The following CDKAL1 variants were observed in gnomAD, a reference collection of about 807,000 sequenced individuals.
The protein encoded by CDKAL1 is threonylcarbamoyladenosine tRNA methylthiotransferase.
In CDKAL1, 32 loss-of-function variants were observed where a neutral mutation model predicts 68.2. The observed-to-expected ratio is 0.47, with a 90% CI of 0.35 to 0.63. CDKAL1 has a LOEUF of 0.63. CDKAL1 is among the 30% of genes least tolerant of loss of function. The pLI is 0.00. For synonymous variants in CDKAL1, 234 were observed against 244.3 expected (o/e 0.96, Z 0.39); for missense variants, 606 against 696.7 (o/e 0.87, Z 1.47).
In CDKAL1 at chr6:20,775,459, G is replaced by A. The variant is rs893200411; in HGVS notation, c.518-5686G>A. 1.2e-4 allele frequency among the ~76,000 whole-genome samples: 18 copies of A among 152,294 alleles called. No individual in the cohort carries two copies. In the South Asian group the frequency reaches 1.7e-3, roughly 14 times the overall value. On this transcript the variant is annotated intron_variant, in intron 7 of 15. Coordinates refer to ENST00000274695, the MANE Select transcript of CDKAL1 (RefSeq NM_017774.3). Reference sequence around the variant, plus strand: ...TAGGCCTCAGTGGCTAACGAGAAAGGATCAAATAAAGAAGGAATGTGTGAA... The same window carrying A: ...TAGGCCTCAGTGGCTAACGAGAAAGAATCAAATAAAGAAGGAATGTGTGAA...
In CDKAL1 at chr6:21,155,289, C is replaced by T. The variant is rs114834265; in HGVS notation, c.1300-42732C>T. 6.4e-3 allele frequency among the ~76,000 whole-genome samples: 974 copies of T among 151,914 alleles called. 9 individuals are homozygous for T. Among genetic ancestry groups the T allele is most frequent in the African/African-American group, 0.022 (918 of 41,390 alleles). ...CCCGAATTATATTATGTGTCATCAGCGTGTGTGAGGATGGGGAGGACAGCT... is the reference window on the plus strand; with the variant it reads ...CCCGAATTATATTATGTGTCATCAGTGTGTGTGAGGATGGGGAGGACAGCT... On this transcript the variant is annotated intron_variant, in intron 13 of 15. Coordinates refer to ENST00000274695, the MANE Select transcript of CDKAL1 (RefSeq NM_017774.3).
chr6:21,182,780 A>T (rs987732752), intron 13 of CDKAL1, among the ~76,000 whole-genome samples: 7 of 152,224 alleles, frequency 4.6e-5, no homozygotes, highest in Non-Finnish European at 1.0e-4. Context: ...ATCACTTTTA[A>T]TGAATCTTTC....
chr6:20,784,412 C>CTTTCTT (rs1775572357), intron 8 of CDKAL1, among the ~76,000 whole-genome samples: 3 of 33,492 alleles, frequency 9.0e-5, no homozygotes, highest in African/African-American at 3.5e-4. Context: ...TATTTTATTT[C>CTTTCTT]TTTTTTTTTT....
chr6:20,545,074 G>A (rs1763544910), intron 2 of CDKAL1, among the ~76,000 whole-genome samples: 1 of 151,838 alleles, frequency 6.6e-6, no homozygotes, highest in Non-Finnish European at 1.5e-5. Flanking sequence ...GTTCTTTAAC[G>A]AGAAAGCAGG....
At chr6:20,867,095 A>G (rs1162761188) in intron 9 of CDKAL1, among the ~76,000 whole-genome samples, 2 of 152,154 alleles carry the variant, frequency 1.3e-5, no homozygotes, top group East Asian at 1.9e-4. Context: ...TGAGGCTTCA[A>G]TTTGTGTTTG....
intron 13 of CDKAL1, chr6:21,135,625 T>C: frequency 1.1e-6 from 1 of 892,674 alleles, no homozygotes; most frequent in Non-Finnish European, 1.3e-6. Context: ...ACAACATAAT[T>C]TAATTTTCTT....
intron 15 of CDKAL1, among the ~76,000 whole-genome samples, chr6:21,211,371 G>A (rs533247888): frequency 1.6e-4 from 25 of 152,314 alleles, no homozygotes; most frequent in Non-Finnish European, 3.2e-4. Flanking sequence ...TCCAAGACAG[G>A]TTAGGCTGCG....
chr6:21,046,041 C>G lies in CDKAL1; in HGVS notation c.1056-19007C>G, dbSNP rs150803593. On this transcript the variant is annotated intron_variant, in intron 11 of 15. Transcript: ENST00000274695. ...CTTATTGTTGTGTGACATTGGGCAG[C>G]TTACATGACCTTTCTCTGTGTCCAC... 1.4e-4 allele frequency among the ~76,000 whole-genome samples: 21 copies of G among 152,274 alleles called. No individual in the cohort carries two copies. In the East Asian group the frequency reaches 2.7e-3, roughly 20 times the overall value.
intron 6 of CDKAL1, among the ~76,000 whole-genome samples, chr6:20,753,458 C>T (rs1774020649): frequency 6.6e-6 from 1 of 152,118 alleles, no homozygotes; most frequent in African/African-American, 2.4e-5. Context: ...TATCAGCTGC[C>T]TGCAGTATTC....
intron 4 of CDKAL1, among the ~76,000 whole-genome samples, 167 bp downstream of exon 4, chr6:20,548,872 A>G (rs1284949339): frequency 6.6e-6 from 1 of 152,208 alleles, no homozygotes; most frequent in Admixed American, 6.6e-5. Context: ...ATTTAAAAAA[A>G]CTTTTTATTT....
intron 13 of CDKAL1, among the ~76,000 whole-genome samples, chr6:21,162,516 G>A (rs776396574): frequency 7.2e-5 from 11 of 152,202 alleles, no homozygotes; most frequent in Non-Finnish European, 1.2e-4. Flanking sequence ...CAGAATTCCA[G>A]TTAACTGAAA....
intron 13 of CDKAL1, among the ~76,000 whole-genome samples, chr6:21,121,073 C>T (rs1774685829): frequency 6.6e-6 from 1 of 152,168 alleles, no homozygotes; most frequent in African/African-American, 2.4e-5. Flanking sequence ...TGCCCATCAA[C>T]AATGTAAGAC....
chr6:20,691,707 A>T (rs1770877006), intron 5 of CDKAL1, among the ~76,000 whole-genome samples: 1 of 152,094 alleles, frequency 6.6e-6, no homozygotes, highest in Non-Finnish European at 1.5e-5. Context: ...ACTCCAAAGC[A>T]TTGTGAAAGA....
At chr6:20,556,335 A>G (rs1764041885) in intron 4 of CDKAL1, among the ~76,000 whole-genome samples, 1 of 152,094 alleles carries the variant, frequency 6.6e-6, no homozygotes, top group South Asian at 2.1e-4. Context: ...ACTGCACTCC[A>G]GCTTGGGTAA....
intron 9 of CDKAL1, among the ~76,000 whole-genome samples, chr6:20,916,865 T>C (rs902326842): frequency 7.2e-5 from 11 of 152,066 alleles, no homozygotes; most frequent in African/African-American, 2.2e-4. Context: ...AGGACTAAAG[T>C]ATACCAAAAC....
At chr6:20,831,061 G>A (rs1025860396) in intron 8 of CDKAL1, among the ~76,000 whole-genome samples, 3 of 151,864 alleles carry the variant, frequency 2.0e-5, no homozygotes, top group Non-Finnish European at 2.9e-5. Flanking sequence ...ATAATATTAG[G>A]TTGGTGTACA....
At chr6:20,955,364 T>C in intron 9 of CDKAL1, 55 bp from the exon 10 acceptor site, 3 of 1,549,076 alleles carry the variant, frequency 1.9e-6, no homozygotes. Flanking sequence ...AGCAGCTGTA[T>C]GATGAAGGAA....
intron 5 of CDKAL1, among the ~76,000 whole-genome samples, chr6:20,735,939 TTGACAC>T (rs1351536049): frequency 6.6e-6 from 1 of 152,198 alleles, no homozygotes; most frequent in African/African-American, 2.4e-5. Context: ...CTCTCACACT[TTGACAC>T]TGCTGCATCC....
intron 4 of CDKAL1, among the ~76,000 whole-genome samples, chr6:20,620,809 C>A (rs879659284): frequency 6.6e-6 from 1 of 151,810 alleles, no homozygotes; most frequent in African/African-American, 2.4e-5. Flanking sequence ...ATGGAATGCT[C>A]CTATAGGTGC....
Sources: gnomAD v4.1 joint callset for allele counts (sites outside exome capture counted in the v4.1 genomes callset) on GRCh38, gnomAD v4.1.1 for gene constraint, MANE v1.5 for transcripts, NCBI Gene and HGNC (gene_info 2026-07-23, HGNC 2026-07-21) for gene names.